Variants in TSPAN18 observed in about 807,000 individuals in gnomAD.
TSPAN18 encodes the protein tetraspanin 18, also known as tetraspanin-18.
A neutral mutation model predicts 27.3 loss-of-function variants in TSPAN18; 14 were observed. The observed-to-expected ratio is 0.51, with a 90% CI of 0.34 to 0.80. The LOEUF is 0.80. TSPAN18 is among the 30% of genes least tolerant of loss of function. The pLI is 0.01. For missense variants in TSPAN18, 268 were observed against 323.9 expected (o/e 0.83, Z 1.32); for synonymous variants, 143 against 136.5 (o/e 1.05, Z -0.33).
At chr11:44,919,726 C>A in intron 7 of TSPAN18, 91 bp from the exon 8 acceptor site, 3 of 1,309,788 alleles carry the variant, frequency 2.3e-6, no homozygotes, top group Non-Finnish European at 3.3e-6. Context: ...CTTCTGATGC[C>A]ACTCCTTTGC....
chr11:44,745,388 T>C (rs1454598897), intron 1 of TSPAN18, among the ~76,000 whole-genome samples: 1 of 152,216 alleles, frequency 6.6e-6, no homozygotes, highest in Non-Finnish European at 1.5e-5. Flanking sequence ...GCCCTGAGGC[T>C]CTAATGAGCT....
intron 2 of TSPAN18, among the ~76,000 whole-genome samples, chr11:44,839,902 C>T (rs930284384): frequency 6.6e-6 from 1 of 152,184 alleles, no homozygotes; most frequent in African/African-American, 2.4e-5. Context: ...CTCCCAAGCA[C>T]ATGGCTTGTT....
intron 2 of TSPAN18, among the ~76,000 whole-genome samples, chr11:44,822,981 C>A (rs1856958050): frequency 6.6e-6 from 1 of 152,210 alleles, no homozygotes. Context: ...TGTACAAATT[C>A]TCCCTGACTT....
intron 2 of TSPAN18, among the ~76,000 whole-genome samples, chr11:44,815,431 G>T (rs568213738): frequency 6.6e-6 from 1 of 152,156 alleles, no homozygotes; most frequent in Non-Finnish European, 1.5e-5. Context: ...ACTGTGGGCC[G>T]GATGGGGGCA....
intron 2 of TSPAN18, among the ~76,000 whole-genome samples, chr11:44,790,180 C>CGCATGTGTGTGTGTGT (rs1565150221): frequency 3.5e-5 from 5 of 144,400 alleles, no homozygotes; most frequent in Admixed American, 1.4e-4. Flanking sequence ...TGTGTGTGTG[C>CGCATGTGTGTGTGTGT]GCATATGTGT....
intron 3 of TSPAN18, among the ~76,000 whole-genome samples, chr11:44,901,972 A>G (rs1248444503): frequency 6.6e-6 from 1 of 152,202 alleles, no homozygotes; most frequent in Non-Finnish European, 1.5e-5. Context: ...AGTGCTCAAT[A>G]AATGTTCTTT....
chr11:44,921,701 A>G (rs1860143428), intron 8 of TSPAN18, among the ~76,000 whole-genome samples: 1 of 152,194 alleles, frequency 6.6e-6, no homozygotes, highest in Admixed American at 6.5e-5. Flanking sequence ...GGTTTATGTG[A>G]AAGACCAGTG....
At position 44,773,703 on chromosome 11, in the gene TSPAN18, G is replaced by A. The variant is rs550400992; in HGVS notation, c.-153+9191G>A. 1.0e-3 allele frequency among the ~76,000 whole-genome samples: 153 copies of A among 152,268 alleles called. 6 individuals are homozygous for A. The South Asian group carries it at 0.031, about 31-fold the overall frequency. ...TTGCTGTGGGGGGATGGGATGGAAC[G>A]GTGGTCAGAAGGTTGGGGAGACCCT... On this transcript the variant is annotated intron_variant, in intron 2 of 9. Transcript: ENST00000520358.
At chr11:44,730,004 T>C (rs1483594151) in intron 1 of TSPAN18, among the ~76,000 whole-genome samples, 1 of 152,190 alleles carries the variant, frequency 6.6e-6, no homozygotes, top group East Asian at 1.9e-4. Context: ...GATTCTGAGC[T>C]ATCTTGCAAC....
chr11:44,906,313 T>G (rs1859449105), intron 3 of TSPAN18, 94 bp from the exon 4 acceptor site: 7 of 1,075,796 alleles, frequency 6.5e-6, no homozygotes, highest in Non-Finnish European at 1.0e-5. Flanking sequence ...TTTGCAAGGG[T>G]GGGGCTGGCT....
intron 1 of TSPAN18, among the ~76,000 whole-genome samples, chr11:44,761,296 C>G (rs1855449538): frequency 6.6e-6 from 1 of 152,194 alleles, no homozygotes; most frequent in Non-Finnish European, 1.5e-5. Context: ...CACCCAGGAC[C>G]CGTTCCTGCT....
At chr11:44,786,280 A>C (rs536102091) in intron 2 of TSPAN18, among the ~76,000 whole-genome samples, 1 of 152,354 alleles carries the variant, frequency 6.6e-6, no homozygotes, top group Admixed American at 6.5e-5. Flanking sequence ...GGTAAGTGAC[A>C]GAGCACAGCA....
chr11:44,881,605 C>T (rs115576853), intron 3 of TSPAN18, among the ~76,000 whole-genome samples: 1,906 of 152,290 alleles, frequency 0.013, 39 homozygotes, highest in African/African-American at 0.04. Flanking sequence ...TGGGAAAATA[C>T]ATCTCCGCCA....
chr11:44,733,164 A>G (rs1473315099), intron 1 of TSPAN18, among the ~76,000 whole-genome samples: 2 of 152,242 alleles, frequency 1.3e-5, no homozygotes, highest in African/African-American at 4.8e-5. Context: ...AAGGAAGTAC[A>G]TGGATATTTG....
intron 2 of TSPAN18, among the ~76,000 whole-genome samples, chr11:44,805,761 A>G (rs889283160): frequency 2.0e-5 from 3 of 152,038 alleles, no homozygotes; most frequent in Admixed American, 6.5e-5. Flanking sequence ...CGAGGGAAGA[A>G]TCTCTCCTCA....
At position 44,931,040 on chromosome 11, in the gene TSPAN18, A is replaced by G. The variant is rs1198599245; in HGVS notation, c.*1862A>G. 1 of 447,814 alleles carries G rather than the reference A, an allele frequency of 2.2e-6. No homozygotes were observed. The highest frequency in any genetic ancestry group is 2.0e-5 in the African/African-American group (1 of 49,574). 27.7% of individuals were successfully genotyped at this position (447,814 alleles called of 1,614,324 possible). ...CAGAAGCTCTGTGCCTGCTGCAAAG[A>G]TTCAGGTGGACCCTCCTCTAATCTC... On this transcript the variant is annotated 3_prime_UTR_variant, in exon 10 of 10. Transcript: ENST00000520358.
chr11:44,872,644 A>G (rs919885845), intron 3 of TSPAN18, among the ~76,000 whole-genome samples: 4 of 152,110 alleles, frequency 2.6e-5, no homozygotes, highest in Non-Finnish European at 5.9e-5. Flanking sequence ...TATATGCCAG[A>G]CTCTGCTTTA....
intron 1 of TSPAN18, among the ~76,000 whole-genome samples, chr11:44,740,843 G>T (rs4755282): frequency 0.35 from 53,032 of 151,990 alleles, 13,150 homozygotes; most frequent in East Asian, 0.82. Context: ...TGGAGGGCAG[G>T]GTTGAGATCT....
At chr11:44,751,214 G>C (rs148159428) in intron 1 of TSPAN18, among the ~76,000 whole-genome samples, 1 of 152,180 alleles carries the variant, frequency 6.6e-6, no homozygotes, top group Non-Finnish European at 1.5e-5. Flanking sequence ...CAAGGCTGGC[G>C]AGGCTCGTGC....
Sources: allele counts gnomAD v4.1 joint callset (sites outside exome capture counted in the v4.1 genomes callset), GRCh38; gene constraint gnomAD v4.1.1; transcripts MANE v1.5; gene names NCBI Gene and HGNC (gene_info 2026-07-23, HGNC 2026-07-21).